The following CWC27 variants were observed in gnomAD, a reference collection of about 807,000 sequenced individuals.
The protein encoded by CWC27 is CWC27 spliceosome associated cyclophilin.
In CWC27, 47 loss-of-function variants were observed where a neutral mutation model predicts 63.6. The observed-to-expected ratio is 0.74, with a 90% confidence interval of 0.58 to 0.94. The LOEUF is 0.94. Among genes scored for constraint, CWC27 ranks in the 40% least tolerant of loss-of-function variants. The pLI is 0.00. For synonymous variants in CWC27, 175 were observed against 179.8 expected (o/e 0.97, Z 0.22); for missense variants, 495 against 554.3 (o/e 0.89, Z 1.07).
chr5:64,873,249 G>A (rs985593940), intron 10 of CWC27, among the ~76,000 whole-genome samples: 1 of 151,876 alleles, frequency 6.6e-6, no homozygotes, highest in Non-Finnish European at 1.5e-5. Flanking sequence ...GGACAGTAAA[G>A]GTCAGTCAAT....
At chr5:64,953,455 G>T (rs952509562) in intron 11 of CWC27, among the ~76,000 whole-genome samples, 1 of 152,088 alleles carries the variant, frequency 6.6e-6, no homozygotes, top group Non-Finnish European at 1.5e-5. Context: ...CACTCAATAT[G>T]TTGGCTTTGT....
At chr5:64,968,287 C>G (rs1228387060) in intron 11 of CWC27, among the ~76,000 whole-genome samples, 6 of 151,988 alleles carry the variant, frequency 3.9e-5, no homozygotes. Flanking sequence ...TGGAATGATG[C>G]AGCCAAAATG....
intron 10 of CWC27, among the ~76,000 whole-genome samples, chr5:64,820,329 T>G (rs1206364072): frequency 6.6e-6 from 1 of 152,224 alleles, no homozygotes; most frequent in African/African-American, 2.4e-5. Flanking sequence ...TGACCTGGCC[T>G]TAGTATATTG....
intron 3 of CWC27, among the ~76,000 whole-genome samples, 180 bp downstream of exon 3, chr5:64,782,213 C>G (rs933488291): frequency 2.0e-5 from 3 of 151,842 alleles, no homozygotes; most frequent in Non-Finnish European, 4.4e-5. Context: ...TTTGGGAAGC[C>G]GAGGGGGGCG....
At chr5:65,000,461 C>A (rs568954119) in intron 13 of CWC27, among the ~76,000 whole-genome samples, 1 of 151,898 alleles carries the variant, frequency 6.6e-6, no homozygotes, top group East Asian at 1.9e-4. Context: ...AGTTTCAGGT[C>A]TTATATTTAA....
intron 11 of CWC27, among the ~76,000 whole-genome samples, chr5:64,938,837 C>G (rs895022900): frequency 6.6e-6 from 1 of 152,226 alleles, no homozygotes; most frequent in African/African-American, 2.4e-5. Flanking sequence ...CTTGTCTTCA[C>G]GCTTTATTTC....
intron 13 of CWC27, among the ~76,000 whole-genome samples, chr5:64,977,979 C>T (rs923322490): frequency 3.3e-5 from 5 of 152,182 alleles, no homozygotes; most frequent in Middle Eastern, 3.2e-3. Flanking sequence ...TCACCCCCTA[C>T]ACATGACTCA....
intron 10 of CWC27, among the ~76,000 whole-genome samples, chr5:64,875,626 T>C (rs572806293): frequency 1.1e-4 from 17 of 152,192 alleles, no homozygotes; most frequent in Non-Finnish European, 2.2e-4. Flanking sequence ...ATGGGAATTT[T>C]GTAATTTTTA....
chr5:64,806,327 A>G (rs1222376468), intron 10 of CWC27, among the ~76,000 whole-genome samples: 1 of 152,200 alleles, frequency 6.6e-6, no homozygotes, highest in Non-Finnish European at 1.5e-5. Context: ...CTACTTAGAA[A>G]AGTAAATTAA....
chr5:64,867,608 G>C (rs781592767), intron 10 of CWC27, among the ~76,000 whole-genome samples: 87 of 152,058 alleles, frequency 5.7e-4, no homozygotes, highest in Non-Finnish European at 2.8e-4. Context: ...TAGGCATTAG[G>C]ACAAGCCTCC....
At chr5:64,988,084 G>T (rs979462225) in intron 13 of CWC27, among the ~76,000 whole-genome samples, 2 of 152,140 alleles carry the variant, frequency 1.3e-5, no homozygotes, top group African/African-American at 4.8e-5. Flanking sequence ...GGTGTTCTCT[G>T]TCACCTCCAT....
At chr5:64,928,555 A>T (rs1462755604) in intron 11 of CWC27, among the ~76,000 whole-genome samples, 2 of 151,824 alleles carry the variant, frequency 1.3e-5, no homozygotes, top group Non-Finnish European at 2.9e-5. Flanking sequence ...GTAAGTGGGA[A>T]AAAAGCCAAG....
rs563042707 is a variant in CWC27, at chr5:64,796,251, GA to G, written c.670-3994del. Among the ~76,000 whole-genome samples, 271 of 152,198 alleles carry G rather than the reference GA, an allele frequency of 1.8e-3. 1 individual carries two copies. Among genetic ancestry groups the G allele is most frequent in the Middle Eastern group, 6.8e-3 (2 of 294 alleles). On this transcript the variant is annotated intron_variant, in intron 7 of 13. Transcript: ENST00000381070. ...GAAGCAGCCAATAGGATGTGAGAGA[GA>G]AAGAATAAAATAGATCCATTTATCT...
At chr5:64,950,592 G>T (rs746563366) in intron 11 of CWC27, among the ~76,000 whole-genome samples, 6 of 151,928 alleles carry the variant, frequency 3.9e-5, no homozygotes, top group Non-Finnish European at 8.8e-5. Flanking sequence ...ACATTATGGA[G>T]AATAAGGCAA....
At chr5:64,946,682 A>G (rs1052670874) in intron 11 of CWC27, among the ~76,000 whole-genome samples, 1 of 151,208 alleles carries the variant, frequency 6.6e-6, no homozygotes, top group African/African-American at 2.5e-5. Flanking sequence ...TACTGTTTCC[A>G]TTTACCCGTA....
In CWC27 at chr5:64,977,176, A is replaced by G; in HGVS notation, c.1194A>G (p.Gln398=). ...LLNQFKSKLT[Q]AIAETPENDI... is the part of the protein sequence containing the mutation. ...ACCAGTTTAAATCTAAACTCACTCA[A>G]GCAATTGCTGAAACGCCTGAAAATG... The change falls in exon 13 of 14, where the codon CAA becomes CAG. Residue 398 remains glutamine, a synonymous_variant. Coordinates refer to ENST00000381070, the MANE Select transcript of CWC27 (RefSeq NM_005869.4). 6.2e-7 allele frequency: 1 copy of G among 1,612,798 alleles called. No homozygotes were observed. The highest frequency in any genetic ancestry group is 8.5e-7 in the Non-Finnish European group (1 of 1,179,272).
chr5:64,826,307 TA>T (rs533058353), intron 10 of CWC27, among the ~76,000 whole-genome samples: 120 of 152,352 alleles, frequency 7.9e-4, no homozygotes, highest in African/African-American at 2.5e-3. Context: ...ATTTCTCAAA[TA>T]TTTTTTTGTT....
intron 13 of CWC27, among the ~76,000 whole-genome samples, chr5:64,988,839 G>A (rs1177833893): frequency 6.6e-6 from 1 of 152,070 alleles, no homozygotes; most frequent in Non-Finnish European, 1.5e-5. Context: ...CCGTACCTCA[G>A]ATGATCCACC....
intron 11 of CWC27, among the ~76,000 whole-genome samples, chr5:64,933,745 C>T (rs1304683858): frequency 1.3e-5 from 2 of 152,178 alleles, no homozygotes; most frequent in Non-Finnish European, 2.9e-5. Context: ...CCCACCTCTG[C>T]CTCCCAAAGT....
Sources: allele counts gnomAD v4.1 joint callset (sites outside exome capture counted in the v4.1 genomes callset), GRCh38; gene constraint gnomAD v4.1.1; transcripts MANE v1.5; gene names NCBI Gene and HGNC (gene_info 2026-07-23, HGNC 2026-07-21).